The following PUDP variants were observed in gnomAD, a reference collection of about 807,000 sequenced individuals.
PUDP encodes the protein pseudouridine-5'-phosphatase.
Under a neutral mutation model 9.4 loss-of-function variants are expected in PUDP, and 8 were observed. The observed-to-expected ratio is 0.85, with a 90% CI of 0.50 to 1.53. The LOEUF is 1.53. Ranked by LOEUF, PUDP falls within the 40% of genes most tolerant of loss-of-function variation. The pLI, the probability that PUDP is intolerant of heterozygous loss-of-function variation, is 0.00. For synonymous variants in PUDP, 99 were observed against 80.7 expected (o/e 1.23, Z -1.22); for missense variants, 188 against 189.7 (o/e 0.99, Z 0.05).
chrX:6,819,265 T>C (rs185126877), intron 3 of PUDP, among the ~76,000 whole-genome samples: 5 of 112,067 alleles, frequency 4.5e-5, no homozygotes, highest in African/African-American at 1.6e-4. Context: ...AAAGCTTTCT[T>C]CTTACAATTA....
intron 3 of PUDP, among the ~76,000 whole-genome samples, chrX:6,909,973 G>C (rs1316517506): frequency 8.9e-6 from 1 of 112,377 alleles, no homozygotes; most frequent in Non-Finnish European, 1.9e-5. Flanking sequence ...GAGAGACTTA[G>C]CCAAAGGCTA....
At chrX:6,881,024 G>C (rs1327486560) in intron 3 of PUDP, among the ~76,000 whole-genome samples, 2 of 112,138 alleles carry the variant, frequency 1.8e-5, no homozygotes, top group Non-Finnish European at 3.8e-5. Context: ...TTTACTTTTT[G>C]TTTGGATCTG....
At chrX:6,891,384 TC>T (rs1473971374) in intron 3 of PUDP, among the ~76,000 whole-genome samples, 4 of 112,266 alleles carry the variant, frequency 3.6e-5, no homozygotes, top group African/African-American at 1.3e-4. Context: ...TGCTATGCCT[TC>T]TTTCACCTGC....
chrX:6,902,412 T>C (rs1927703704), intron 3 of PUDP, among the ~76,000 whole-genome samples: 1 of 111,990 alleles, frequency 8.9e-6, no homozygotes, highest in Non-Finnish European at 1.9e-5. Flanking sequence ...AGTGGCATCC[T>C]GGCTTCCACC....
intron 3 of PUDP, among the ~76,000 whole-genome samples, chrX:6,784,492 A>G (rs1222720496): frequency 9.0e-6 from 1 of 111,356 alleles, no homozygotes; most frequent in Non-Finnish European, 1.9e-5. Flanking sequence ...GAGAGGGTGG[A>G]GAGTCTACCG....
chrX:6,971,619 T>C (rs1928878986), intron 3 of PUDP, among the ~76,000 whole-genome samples: 1 of 104,641 alleles, frequency 9.6e-6, no homozygotes, highest in African/African-American at 3.5e-5. Context: ...AGAGACGGGG[T>C]TTCACCTTGT....
chrX:6,874,532 T>G (rs1201467276), intron 3 of PUDP, among the ~76,000 whole-genome samples: 1 of 110,643 alleles, frequency 9.0e-6, no homozygotes, highest in East Asian at 2.9e-4. Flanking sequence ...TACTGCACTC[T>G]GTAGCATTCA....
chrX:6,873,694 G>A (rs927251327), intron 3 of PUDP, among the ~76,000 whole-genome samples: 1 of 111,625 alleles, frequency 9.0e-6, no homozygotes. Context: ...AACCCCATCA[G>A]CAATAGGTAA....
Position 6,716,576 on chromosome X carries a change from T to C in PUDP, n.128+4841A>G, listed in dbSNP as rs751903105. ...TTACACATGATCTTTGTTCCCTTCT[T>C]TACCAAGTCTCTGAATTTCTGAAAT... is the stretch of plus-strand genomic sequence containing the variant. On this transcript the variant is annotated intron_variant and non_coding_transcript_variant, in intron 1 of 2. Coordinates refer to the PUDP transcript ENST00000438499. Among the ~76,000 whole-genome samples, 3 of 111,924 alleles carry C rather than the reference T, an allele frequency of 2.7e-5. No individual in the cohort carries two copies. The South Asian group carries it at 1.1e-3, about 42-fold the overall frequency.
intron 3 of PUDP, among the ~76,000 whole-genome samples, chrX:6,960,631 T>G (rs1928693283): frequency 8.9e-6 from 1 of 111,875 alleles, no homozygotes; most frequent in African/African-American, 3.3e-5. Flanking sequence ...TATGACAGGG[T>G]CCAACCAGAA....
chrX:6,991,786 T>C (rs1002735926), intron 1 of PUDP, among the ~76,000 whole-genome samples: 2 of 101,581 alleles, frequency 2.0e-5, no homozygotes, highest in Non-Finnish European at 4.1e-5. Flanking sequence ...TCATTTAGAA[T>C]AGAAAAAAGT....
chrX:7,106,744 T>C (rs1478538464), intron 1 of PUDP, among the ~76,000 whole-genome samples: 1 of 111,861 alleles, frequency 8.9e-6, no homozygotes, highest in Non-Finnish European at 1.9e-5. Flanking sequence ...AGAGCATGCT[T>C]GTTACACACT....
intron 3 of PUDP, among the ~76,000 whole-genome samples, chrX:6,833,042 C>G (rs190477476): frequency 1.9e-5 from 2 of 107,669 alleles, no homozygotes; most frequent in African/African-American, 3.5e-5. Flanking sequence ...CAAGGCTTAG[C>G]TTAGTATTTA....
rs910024336 is a variant in PUDP at position 6,949,859 on chromosome X, C to A, written c.*247+27274G>T. ...GCCAGCCAGGGCTGGGATCTCATAT[C>A]ATCCATCTGAAGGCTCCATTGGGGA... is the stretch of plus-strand genomic sequence containing the variant. On this transcript the variant is annotated intron_variant and NMD_transcript_variant, in intron 3 of 3. Coordinates refer to the PUDP transcript ENST00000655425. Among the ~76,000 whole-genome samples the A allele has an allele frequency of 4.5e-5, 5 of 111,784 alleles. 1 individual carries two copies. In the South Asian group the frequency reaches 1.1e-3, roughly 25 times the overall value.
At chrX:6,916,219 CACACACACACACACACACACACACACACA>C in intron 3 of PUDP, among the ~76,000 whole-genome samples, 1 of 103,583 alleles carries the variant, frequency 9.7e-6, no homozygotes, top group Non-Finnish European at 2.0e-5. Flanking sequence ...CACACACACA[CACACACACACACACACACACACACACACA>C]CCCTGGGGAA....
At chrX:6,739,948 T>A (rs1924916035) in intron 3 of PUDP, among the ~76,000 whole-genome samples, 1 of 112,112 alleles carries the variant, frequency 8.9e-6, no homozygotes, top group Non-Finnish European at 1.9e-5. Context: ...CCTACTAAGA[T>A]TTTGTGAATG....
At chrX:6,911,586 T>C (rs1320661676) in intron 3 of PUDP, among the ~76,000 whole-genome samples, 1 of 112,224 alleles carries the variant, frequency 8.9e-6, no homozygotes, top group Non-Finnish European at 1.9e-5. Flanking sequence ...TTTCAGGCCA[T>C]GTTTTAAAAT....
At chrX:7,086,392 T>C (rs1229748737) in intron 2 of PUDP, among the ~76,000 whole-genome samples, 1 of 112,657 alleles carries the variant, frequency 8.9e-6, no homozygotes, top group African/African-American at 3.2e-5. Context: ...TTAGGAAATC[T>C]GGCTAATATA....
chrX:6,897,565 C>T lies in PUDP; in HGVS notation c.*247+79568G>A, dbSNP rs756408506. Among the ~76,000 whole-genome samples the T allele has an allele frequency of 4.5e-5, 5 of 111,132 alleles. No individual in the cohort carries two copies. In the South Asian group the frequency reaches 1.9e-3, roughly 42 times the overall value. On this transcript the variant is annotated intron_variant and NMD_transcript_variant, in intron 3 of 3. Coordinates refer to the PUDP transcript ENST00000655425. ...CTAGTGTCTGTGACCTTGGGCAGGT[C>T]GTTTAACTGCCCCCTGCCTCAGTTT...
Sources: allele counts gnomAD v4.1 joint callset (sites outside exome capture counted in the v4.1 genomes callset), GRCh38; gene constraint gnomAD v4.1.1; transcripts MANE v1.5; gene names NCBI Gene and HGNC (gene_info 2026-07-23, HGNC 2026-07-21).